The following ALG13 variants were observed in gnomAD, a reference collection of about 807,000 sequenced individuals.
ALG13 encodes ALG13 UDP-N-acetylglucosaminyltransferase subunit.
In ALG13, 11 loss-of-function variants were observed where a neutral mutation model predicts 87.8. The ratio of observed to expected loss-of-function variants is 0.13; its 90% CI spans 0.08 to 0.21. The LOEUF is 0.21. Among genes scored for constraint, ALG13 ranks in the 10% least tolerant of loss-of-function variants. The pLI is 1.00. For synonymous variants in ALG13, 320 were observed against 306.3 expected (o/e 1.04, Z -0.47); for missense variants, 756 against 866.1 (o/e 0.87, Z 1.60).
intron 23 of ALG13, among the ~76,000 whole-genome samples, chrX:111,744,158 T>C: frequency 9.0e-6 from 1 of 111,701 alleles, no homozygotes; most frequent in Non-Finnish European, 1.9e-5. Context: ...TCCTTAGAAA[T>C]GGAACGTTCA....
At chrX:111,722,150 G>T (rs1254826015) in intron 12 of ALG13, among the ~76,000 whole-genome samples, 1 of 111,697 alleles carries the variant, frequency 9.0e-6, no homozygotes, top group Admixed American at 9.5e-5. Flanking sequence ...ATAATATATC[G>T]TGACACATGA....
At chrX:111,728,380 A>G (rs188310817) in intron 19 of ALG13, 75 bp downstream of exon 19, 2 of 1,131,463 alleles carry the variant, frequency 1.8e-6, no homozygotes, top group Non-Finnish European at 2.4e-6. Flanking sequence ...AAGTAGACCA[A>G]TTTGGTTTTG....
rs759564600 is a variant in ALG13 at position 111,725,021 on chromosome X, A to G, written c.1689A>G (p.Arg563=). The change falls in exon 15 of 27, where the codon AGA becomes AGG. Residue 563 remains arginine, a synonymous_variant. Transcript: ENST00000394780. The part of the protein sequence containing the change: ...AWNAMPSRKG[R]GYQKMPGGYV... ...ATGCTATGCCCAGTCGGAAAGGAAG[A>G]GGTTACCAGAAAATGCCTGGGGGTT... 1 of 1,211,266 alleles carries G rather than the reference A, an allele frequency of 8.3e-7. No individual in the cohort carries two copies. Among genetic ancestry groups the G allele is most frequent in the Non-Finnish European group, 1.1e-6 (1 of 895,113 alleles).
chrX:111,749,744 G>T (rs1944550999), intron 24 of ALG13, among the ~76,000 whole-genome samples: 1 of 110,954 alleles, frequency 9.0e-6, no homozygotes, highest in Non-Finnish European at 1.9e-5. Flanking sequence ...GTAGTAAACA[G>T]AATTTTAAAA....
chrX:111,681,611 C>G lies in ALG13; in HGVS notation c.81+312C>G. ...GCCTCCGCGTCCTCCGCCCCTCCTT[C>G]CAACGGCTCCGCCCCTCCGAGCTCG... On this transcript the variant is annotated intron_variant, in intron 1 of 26. Coordinates refer to ENST00000394780, the MANE Select transcript of ALG13 (RefSeq NM_001099922.3). 6 of 950,398 alleles carry G rather than the reference C, an allele frequency of 6.3e-6. No homozygotes were observed. In the South Asian group the frequency reaches 1.9e-4, roughly 30 times the overall value. The allele number at this position is 950,398 out of a possible 1,213,427, so 78.3% of individuals were successfully genotyped here. A position where few individuals can be genotyped will look rare whatever the true frequency, so the allele number is the denominator to read the frequency against.
chrX:111,734,938 C>G (rs1943090484), intron 21 of ALG13, 113 bp from the exon 22 acceptor site: 1 of 507,043 alleles, frequency 2.0e-6, no homozygotes, highest in Non-Finnish European at 3.3e-6. Context: ...GGAGTCACTT[C>G]CAAATTTGAA....
At chrX:111,717,395 G>T (rs1467527835) in intron 8 of ALG13, among the ~76,000 whole-genome samples, 1 of 111,099 alleles carries the variant, frequency 9.0e-6, no homozygotes, top group Middle Eastern at 4.3e-3. Flanking sequence ...CGAAATAATT[G>T]AATAAAATCC....
At chrX:111,727,960 T>G in intron 18 of ALG13, among the ~76,000 whole-genome samples, 190 bp downstream of exon 18, 1 of 112,658 alleles carries the variant, frequency 8.9e-6, no homozygotes, top group Middle Eastern at 4.6e-3. Flanking sequence ...GTAGACTTGA[T>G]AATCTTGCCT....
chrX:111,726,232 G>GTTTTTT (rs1213050998), intron 15 of ALG13, among the ~76,000 whole-genome samples: 34 of 60,158 alleles, frequency 5.7e-4, no homozygotes, highest in African/African-American at 9.4e-4. Flanking sequence ...GGCGTGTTTT[G>GTTTTTT]TTTTTTTTTT....
chrX:111,717,507 C>T (rs1164392409), intron 8 of ALG13, among the ~76,000 whole-genome samples: 1 of 97,450 alleles, frequency 1.0e-5, no homozygotes, highest in East Asian at 3.2e-4. Flanking sequence ...GTTAGGCTTT[C>T]TGTTATGTTC....
intron 24 of ALG13, among the ~76,000 whole-genome samples, chrX:111,747,777 G>A (rs1009899615): frequency 6.2e-5 from 7 of 112,078 alleles, no homozygotes; most frequent in African/African-American, 2.3e-4. Flanking sequence ...CAGCCACCAC[G>A]CCCTGTGGAA....
At chrX:111,709,441 A>G (rs948438201) in intron 5 of ALG13, among the ~76,000 whole-genome samples, 1 of 111,574 alleles carries the variant, frequency 9.0e-6, no homozygotes, top group African/African-American at 3.3e-5. Context: ...AAAAATGGGA[A>G]CCCCCTCTAT....
At chrX:111,712,450 G>GT (rs1939930161) in intron 6 of ALG13, 34 bp from the exon 7 acceptor site, 2 of 1,048,766 alleles carry the variant, frequency 1.9e-6, no homozygotes, top group Admixed American at 2.9e-5. Context: ...GCTACAGAAT[G>GT]TTTTTTAAAA....
chrX:111,681,423 A>G (rs1933113580), intron 1 of ALG13, 124 bp downstream of exon 1: 2 of 1,146,402 alleles, frequency 1.7e-6, no homozygotes, highest in African/African-American at 3.6e-5. Flanking sequence ...ACTCTACCAC[A>G]GGTGCCGCTG....
intron 3 of ALG13, among the ~76,000 whole-genome samples, chrX:111,691,088 C>CCATT (rs1936051880): frequency 9.0e-6 from 1 of 110,670 alleles, no homozygotes; most frequent in Non-Finnish European, 1.9e-5. Context: ...ACATGTAATA[C>CCATT]CATTTATTTA....
intron 6 of ALG13, among the ~76,000 whole-genome samples, chrX:111,711,955 A>C (rs941613282): frequency 8.9e-6 from 1 of 111,947 alleles, no homozygotes; most frequent in Non-Finnish European, 1.9e-5. Flanking sequence ...CTAGCAAAAG[A>C]GTATACACTA....
chrX:111,739,596 A>G (rs186224501), intron 23 of ALG13, among the ~76,000 whole-genome samples: 62 of 112,558 alleles, frequency 5.5e-4, no homozygotes, highest in Middle Eastern at 4.6e-3. Flanking sequence ...GCTTTATGCT[A>G]GAAGACAGTG....
chrX:111,744,955 G>A, intron 24 of ALG13, 51 bp downstream of exon 24: 1 of 1,024,297 alleles, frequency 9.8e-7, no homozygotes, highest in Non-Finnish European at 1.4e-6. Context: ...AAAAAATATT[G>A]TTAGAGCATA....
At position 111,708,197 on chromosome X, in the gene ALG13, T is replaced by G. The variant is rs1939121243; in HGVS notation, c.554T>G (p.Leu185Arg). The G allele has an allele frequency of 3.3e-6, 4 of 1,211,295 alleles. No homozygotes were observed. The highest frequency in any genetic ancestry group is 4.5e-6 in the Non-Finnish European group (4 of 895,175). ...VTATHPTCTL[L>R]FPSCHAFFPL... is the part of the protein sequence containing the mutation. The stretch of plus-strand genomic sequence containing the variant: ...GCTACCCATCCTACCTGCACCCTGC[T>G]TTTTCCCTCTTGCCACGCTTTTTTT... The change falls in exon 4 of 27, where the codon CTT becomes CGT. Residue 185 changes from leucine to arginine, a missense_variant. Physicochemically the swap from Leu to Arg is moderately radical, Grantham distance 102. This residue lies in a region of ALG13 where 153 missense variants were observed against 168.7 expected (regional missense o/e 0.91). Transcript: ENST00000394780.
Sources: gnomAD v4.1 joint callset for allele counts (sites outside exome capture counted in the v4.1 genomes callset) on GRCh38, gnomAD v4.1.1 for gene constraint, gnomAD v4.1.1 regional missense constraint, MANE v1.5 for transcripts, NCBI Gene and HGNC (gene_info 2026-07-23, HGNC 2026-07-21) for gene names.